The following EYS variants were observed in gnomAD, a reference collection of about 807,000 sequenced individuals.
EYS encodes EGF-like photoreceptor maintenance factor, also known as protein eyes shut homolog.
In EYS, 250 loss-of-function variants were observed where a neutral mutation model predicts 282.1. The ratio of observed to expected loss-of-function variants is 0.89; its 90% CI spans 0.80 to 0.98. EYS has a LOEUF of 0.98. Among genes scored for constraint, EYS ranks in the 50% least tolerant of loss-of-function variants. The pLI, the probability that EYS is intolerant of heterozygous loss-of-function variation, is 0.00. For synonymous variants in EYS, 1,355 were observed against 1,282.9 expected (o/e 1.06, Z -1.20); for missense variants, 4,016 against 3,709.0 (o/e 1.08, Z -2.15).
rs191407870 is a variant in EYS at position 64,706,088 on chromosome 6, C to T, written c.3444-79843G>A. Among the ~76,000 whole-genome samples, 160 of 150,930 alleles carry T rather than the reference C, an allele frequency of 1.1e-3. 2 individuals carry two copies. Among genetic ancestry groups the T allele is most frequent in the Non-Finnish European group, 8.9e-5 (6 of 67,792 alleles). On this transcript the variant is annotated intron_variant, in intron 22 of 42. Coordinates refer to ENST00000503581, the MANE Select transcript of EYS (RefSeq NM_001142800.2). ...TCAAACTATACTAAAAGGCCATAGT[C>T]ACCAAAACGGCATGATACTGGCACA...
intron 22 of EYS, among the ~76,000 whole-genome samples, chr6:64,703,430 T>TATATATA (rs1491104462): frequency 1.6e-4 from 2 of 12,516 alleles, no homozygotes; most frequent in Non-Finnish European, 2.3e-4. Flanking sequence ...TATATATATA[T>TATATATA]TTTTTTTTTT....
chr6:64,219,661 G>C lies in EYS; in HGVS notation c.6424+10931C>G, dbSNP rs370559312. ...TTACAGTCCCACCAACAGTGTAAAAGTGTTCCTATTTCTCCATATCCTCTC... is the reference window on the plus strand; with the variant it reads ...TTACAGTCCCACCAACAGTGTAAAACTGTTCCTATTTCTCCATATCCTCTC... On this transcript the variant is annotated intron_variant, in intron 31 of 42. Coordinates refer to ENST00000503581, the MANE Select transcript of EYS (RefSeq NM_001142800.2). Among the ~76,000 whole-genome samples, 4 of 152,168 alleles carry C rather than the reference G, an allele frequency of 2.6e-5. No individual in the cohort carries two copies. The East Asian group carries it at 5.8e-4, about 22-fold the overall frequency.
At chr6:65,018,864 T>G (rs535222376) in intron 13 of EYS, among the ~76,000 whole-genome samples, 1 of 152,336 alleles carries the variant, frequency 6.6e-6, no homozygotes, top group East Asian at 1.9e-4. Context: ...GTTGTTGTTG[T>G]TTAAATATAG....
intron 5 of EYS, among the ~76,000 whole-genome samples, chr6:65,468,331 T>G (rs1765082676): frequency 6.6e-6 from 1 of 152,128 alleles, no homozygotes; most frequent in Admixed American, 6.5e-5. Context: ...GGGGAAATTT[T>G]ATTCTTACTT....
At chr6:65,236,852 C>A (rs756508360) in intron 12 of EYS, among the ~76,000 whole-genome samples, 7 of 152,120 alleles carry the variant, frequency 4.6e-5, no homozygotes, top group Non-Finnish European at 8.8e-5. Flanking sequence ...CTGATGCAAG[C>A]TAAGCATTTG....
intron 12 of EYS, among the ~76,000 whole-genome samples, chr6:65,096,740 A>C (rs1335055931): frequency 6.6e-6 from 1 of 151,072 alleles, no homozygotes; most frequent in Non-Finnish European, 1.5e-5. Flanking sequence ...AAGAATATAC[A>C]ATGAGGAGTG....
intron 24 of EYS, among the ~76,000 whole-genome samples, chr6:64,600,172 T>TCCAGCCTA (rs1490714436): frequency 6.6e-6 from 1 of 152,122 alleles, no homozygotes; most frequent in Non-Finnish European, 1.5e-5. Context: ...TTGAGTGGTT[T>TCCAGCCTA]CATGCCATTG....
intron 22 of EYS, among the ~76,000 whole-genome samples, chr6:64,666,371 T>C (rs1769228520): frequency 6.6e-6 from 1 of 152,190 alleles, no homozygotes; most frequent in Non-Finnish European, 1.5e-5. Flanking sequence ...AATCATCCAA[T>C]CTAATGATTA....
At chr6:65,312,857 T>G (rs1769197789) in intron 11 of EYS, among the ~76,000 whole-genome samples, 1 of 152,094 alleles carries the variant, frequency 6.6e-6, no homozygotes, top group South Asian at 2.1e-4. Context: ...TTGTAATATA[T>G]GCCAATCTCA....
At chr6:64,177,242 T>G (rs1365591576) in intron 31 of EYS, among the ~76,000 whole-genome samples, 1 of 151,724 alleles carries the variant, frequency 6.6e-6, no homozygotes, top group East Asian at 1.9e-4. Context: ...TTTTTTCTCC[T>G]TTTTCTCCTT....
chr6:64,594,314 C>T lies in EYS; in HGVS notation c.3685-1005G>A, dbSNP rs941600961. Reference sequence around the variant, plus strand: ...GGAAAGAACTAACACCAAGTCTTTGCTATTGTGAATAGTGCTGCAATAAAC... The same window carrying T: ...GGAAAGAACTAACACCAAGTCTTTGTTATTGTGAATAGTGCTGCAATAAAC... On this transcript the variant is annotated intron_variant, in intron 24 of 42. Coordinates refer to ENST00000503581, the MANE Select transcript of EYS (RefSeq NM_001142800.2). Among the ~76,000 whole-genome samples the T allele has an allele frequency of 1.1e-4, 16 of 152,242 alleles. No individual in the cohort carries two copies. In the East Asian group the frequency reaches 2.7e-3, roughly 26 times the overall value.
chr6:64,089,667 C>G (rs946930436), intron 31 of EYS, among the ~76,000 whole-genome samples: 15 of 151,990 alleles, frequency 9.9e-5, no homozygotes, highest in Non-Finnish European at 2.2e-4. Context: ...ATTAGACATT[C>G]ACATTTCTAT....
intron 2 of EYS, among the ~76,000 whole-genome samples, chr6:65,635,933 C>G (rs950545968): frequency 1.3e-5 from 2 of 152,174 alleles, no homozygotes; most frequent in Non-Finnish European, 2.9e-5. Flanking sequence ...CATCCCTTCC[C>G]TCAAACTGTC....
intron 35 of EYS, among the ~76,000 whole-genome samples, chr6:63,979,402 G>C (rs937207223): frequency 1.3e-5 from 2 of 151,906 alleles, no homozygotes; most frequent in East Asian, 3.9e-4. Context: ...AGCATAGAAA[G>C]CAGATTCATT....
At position 64,316,574 on chromosome 6, in the gene EYS, A is replaced by T. The variant is rs9353710; in HGVS notation, c.6079-9492T>A. ...CAAGGAAATAAGAGAGGACACAAAC[A>T]AATGGAAAAACATTCCATGCTCAAG... is the stretch of plus-strand genomic sequence containing the variant. On this transcript the variant is annotated intron_variant, in intron 29 of 42. Transcript: ENST00000503581. Among the ~76,000 whole-genome samples, 4 of 152,202 alleles carry T rather than the reference A, an allele frequency of 2.6e-5. No homozygotes were observed. In the East Asian group the frequency reaches 7.7e-4, roughly 29 times the overall value.
chr6:63,808,439 T>G (rs761307180), intron 36 of EYS, among the ~76,000 whole-genome samples: 1 of 152,198 alleles, frequency 6.6e-6, no homozygotes, highest in Non-Finnish European at 1.5e-5. Context: ...ATTATTCTGT[T>G]GATGAAGTGT....
chr6:65,013,796 T>C (rs1332766296), intron 13 of EYS, among the ~76,000 whole-genome samples: 1 of 151,956 alleles, frequency 6.6e-6, no homozygotes, highest in Non-Finnish European at 1.5e-5. Flanking sequence ...GCTTGGGAGG[T>C]CAAGTCTGCA....
chr6:65,150,359 A>G (rs1764583078), intron 12 of EYS, among the ~76,000 whole-genome samples: 2 of 151,914 alleles, frequency 1.3e-5, no homozygotes, highest in African/African-American at 4.8e-5. Context: ...TTTATATAAA[A>G]GCACATATTT....
chr6:65,173,333 A>G (rs891795215), intron 12 of EYS, among the ~76,000 whole-genome samples: 1 of 151,446 alleles, frequency 6.6e-6, no homozygotes, highest in East Asian at 2.0e-4. Context: ...AGTGAATGAG[A>G]CAGAACTTCT....
Sources: gnomAD v4.1 joint callset for allele counts (sites outside exome capture counted in the v4.1 genomes callset) on GRCh38, gnomAD v4.1.1 for gene constraint, MANE v1.5 for transcripts, NCBI Gene and HGNC (gene_info 2026-07-23, HGNC 2026-07-21) for gene names.